The following ADGRB3 variants were observed in gnomAD, a reference collection of about 807,000 sequenced individuals.
The protein encoded by ADGRB3 is adhesion G protein-coupled receptor B3.
In ADGRB3, 37 loss-of-function variants were observed where a neutral mutation model predicts 193.4. That is an observed-to-expected ratio of 0.19 (90% CI 0.15 to 0.25). The LOEUF (loss-of-function observed/expected upper bound fraction) is 0.25. ADGRB3 is among the 10% of genes least tolerant of loss of function. The probability of loss-of-function intolerance (pLI) is 1.00; values close to 1 mark genes in which losing one functional copy is unlikely to be tolerated. For synonymous variants in ADGRB3, 690 were observed against 644.2 expected, an observed-to-expected ratio of 1.07 and a Z score of -1.08; for missense variants, 1,637 against 1,852.9, an observed-to-expected ratio of 0.88 and a Z score of 2.14.
Position 69,165,833 on chromosome 6 carries a change from T to C in ADGRB3, c.2481-67457T>C, listed in dbSNP as rs141553584. ...CATAAGGTAATTTAAATCTCACAAA[T>C]ACTCTATAAGGGTATTGTTTTTATC... On this transcript the variant is annotated intron_variant, in intron 17 of 31. Transcript: ENST00000370598. 2.6e-3 allele frequency among the ~76,000 whole-genome samples: 401 copies of C among 152,200 alleles called. 1 individual carries two copies. Among genetic ancestry groups the C allele is most frequent in the African/African-American group, 9.5e-3 (394 of 41,542 alleles).
intron 3 of ADGRB3, among the ~76,000 whole-genome samples, chr6:68,767,645 A>G (rs1766534842): frequency 6.6e-6 from 1 of 152,098 alleles, no homozygotes; most frequent in Admixed American, 6.6e-5. Flanking sequence ...CAAAGATGCC[A>G]TCTCTCACCA....
At chr6:69,123,561 C>T (rs1773775690) in intron 17 of ADGRB3, among the ~76,000 whole-genome samples, 1 of 151,982 alleles carries the variant, frequency 6.6e-6, no homozygotes, top group African/African-American at 2.4e-5. Flanking sequence ...GCTGCATCTG[C>T]CATATAATAA....
chr6:69,258,198 A>G (rs993879044), intron 20 of ADGRB3, among the ~76,000 whole-genome samples: 2 of 134,380 alleles, frequency 1.5e-5, no homozygotes, highest in East Asian at 1.9e-4. Context: ...TTATAAGAAA[A>G]GAAAAAAATT....
chr6:69,241,987 A>G (rs1295137189), intron 20 of ADGRB3, among the ~76,000 whole-genome samples: 1 of 151,930 alleles, frequency 6.6e-6, no homozygotes. Flanking sequence ...TAGAAGAGAA[A>G]AATACAAAAC....
At chr6:68,772,894 A>AAAAAT (rs1466813173) in intron 3 of ADGRB3, among the ~76,000 whole-genome samples, 6 of 22,874 alleles carry the variant, frequency 2.6e-4, no homozygotes, top group East Asian at 6.3e-3. Context: ...AAAAAAAAAA[A>AAAAAT]ATATATATAT....
At chr6:69,157,626 G>A (rs1265358451) in intron 17 of ADGRB3, among the ~76,000 whole-genome samples, 2 of 151,674 alleles carry the variant, frequency 1.3e-5, no homozygotes, top group African/African-American at 2.4e-5. Flanking sequence ...GGGAGGAGGG[G>A]TAAGTTTCTA....
intron 11 of ADGRB3, among the ~76,000 whole-genome samples, chr6:68,998,698 C>G (rs1017581484): frequency 6.6e-6 from 1 of 152,082 alleles, no homozygotes; most frequent in African/African-American, 2.4e-5. Flanking sequence ...TGAAATAGAT[C>G]AGTAAAAAGA....
intron 24 of ADGRB3, among the ~76,000 whole-genome samples, chr6:69,335,145 T>TA (rs894498027): frequency 3.3e-5 from 5 of 152,058 alleles, no homozygotes; most frequent in Non-Finnish European, 7.4e-5. Flanking sequence ...AAAAATTTAA[T>TA]AAAAAATTTA....
intron 13 of ADGRB3, among the ~76,000 whole-genome samples, chr6:69,032,118 T>C (rs1421952002): frequency 6.6e-6 from 1 of 152,162 alleles, no homozygotes; most frequent in Non-Finnish European, 1.5e-5. Context: ...AAAAAGACTG[T>C]TTGGGAAACT....
intron 20 of ADGRB3, among the ~76,000 whole-genome samples, chr6:69,308,639 T>C (rs939158078): frequency 2.0e-5 from 3 of 151,618 alleles, no homozygotes; most frequent in African/African-American, 7.2e-5. Flanking sequence ...AAGAGTAACA[T>C]AGAAAAGATA....
chr6:68,779,510 C>T (rs1407386456), intron 3 of ADGRB3, among the ~76,000 whole-genome samples: 1 of 151,950 alleles, frequency 6.6e-6, no homozygotes, highest in East Asian at 1.9e-4. Context: ...ATACCATAAA[C>T]CACTACTGCA....
intron 26 of ADGRB3, among the ~76,000 whole-genome samples, chr6:69,340,135 A>G (rs183820671): frequency 6.6e-6 from 1 of 152,178 alleles, no homozygotes; most frequent in East Asian, 1.9e-4. Context: ...AGGTATTATC[A>G]TATCAGCATT....
intron 3 of ADGRB3, among the ~76,000 whole-genome samples, chr6:68,908,804 A>T (rs1766618962): frequency 6.6e-6 from 1 of 152,172 alleles, no homozygotes; most frequent in African/African-American, 2.4e-5. Context: ...TGAGCTTCAG[A>T]AACTAATCCA....
chr6:69,157,543 C>G (rs922883067), intron 17 of ADGRB3, among the ~76,000 whole-genome samples: 1 of 151,984 alleles, frequency 6.6e-6, no homozygotes, highest in South Asian at 2.1e-4. Flanking sequence ...ACATTCTATC[C>G]CAGACTTCAT....
rs144558953 is a variant in ADGRB3, at chr6:69,021,641, G to T, written c.2107+3142G>T. Among the ~76,000 whole-genome samples, 245 of 151,940 alleles carry T rather than the reference G, an allele frequency of 1.6e-3. 1 individual carries two copies. The highest frequency in any genetic ancestry group is 5.7e-3 in the African/African-American group (235 of 41,526). ...TCACCTTTGAGAGCATTAGTTCTAA[G>T]ACTTAGGACGATAATTTATATTTAA... On this transcript the variant is annotated intron_variant, in intron 13 of 31. Transcript: ENST00000370598.
intron 3 of ADGRB3, among the ~76,000 whole-genome samples, chr6:68,811,105 A>T (rs1453298126): frequency 1.3e-5 from 2 of 152,122 alleles, no homozygotes; most frequent in Non-Finnish European, 1.5e-5. Context: ...TCCAAAGTTG[A>T]TTAAAAACAT....
intron 15 of ADGRB3, among the ~76,000 whole-genome samples, chr6:69,059,845 A>T (rs891020353): frequency 6.6e-5 from 10 of 152,288 alleles, no homozygotes; most frequent in African/African-American, 2.4e-4. Flanking sequence ...TTACATTTTA[A>T]ATCAACTTGT....
intron 15 of ADGRB3, among the ~76,000 whole-genome samples, chr6:69,054,463 C>T (rs988933779): frequency 6.6e-6 from 1 of 152,164 alleles, no homozygotes; most frequent in Non-Finnish European, 1.5e-5. Context: ...AGCTCATGTC[C>T]TTAGGTTTAG....
rs1471744955 is a variant in ADGRB3 at position 69,147,997 on chromosome 6, C to A, written c.2480+71959C>A. ...ATTGGCATGCAACATCTTTTTCCAT[C>A]CCTTTACTTTCAGTCTATTTGTGTT... On this transcript the variant is annotated intron_variant, in intron 17 of 31. Coordinates refer to ENST00000370598, the MANE Select transcript of ADGRB3 (RefSeq NM_001704.3). 2.0e-5 allele frequency among the ~76,000 whole-genome samples: 3 copies of A among 152,198 alleles called. No homozygotes were observed. The East Asian group carries it at 5.8e-4, about 29-fold the overall frequency.
Sources: allele counts gnomAD v4.1 joint callset (sites outside exome capture counted in the v4.1 genomes callset), GRCh38; gene constraint gnomAD v4.1.1; transcripts MANE v1.5; gene names NCBI Gene and HGNC (gene_info 2026-07-23, HGNC 2026-07-21).